The following ERCC6 variants were observed in gnomAD, a reference collection of about 807,000 sequenced individuals.
The protein encoded by ERCC6 is ERCC excision repair 6, chromatin remodeling factor.
Under a neutral mutation model 158.7 loss-of-function variants are expected in ERCC6, and 116 were observed. That is an observed-to-expected ratio of 0.73 (90% CI 0.63 to 0.85). The LOEUF (loss-of-function observed/expected upper bound fraction) is 0.85, where lower values mean the gene tolerates loss of function less well. ERCC6 is among the 40% of genes least tolerant of loss of function. ERCC6 has a pLI of 0.00. For synonymous variants in ERCC6, 678 were observed against 659.3 expected (o/e 1.03, Z -0.43); for missense variants, 1,698 against 1,799.4 (o/e 0.94, Z 1.02).
intron 5 of ERCC6, among the ~76,000 whole-genome samples, chr10:49,513,728 G>A (rs1033445244): frequency 6.6e-6 from 1 of 152,066 alleles, no homozygotes; most frequent in African/African-American, 2.4e-5. Context: ...GGGGGAAACC[G>A]CCCCCATAAT....
chr10:49,473,127 G>A, intron 14 of ERCC6, 99 bp from the exon 15 acceptor site: 1 of 1,528,120 alleles, frequency 6.5e-7, no homozygotes, highest in South Asian at 1.2e-5. Context: ...TTACTGGGCT[G>A]TTCCCAATAT....
chr10:49,493,105 A>C lies in ERCC6; in HGVS notation c.1821+12T>G, dbSNP rs978058921. On this transcript the variant is annotated intron_variant, in intron 8 of 20. Transcript: ENST00000355832. Reference sequence around the variant, plus strand: ...TAAAACAAAACAAAAAGGTACTGAAATATTGTGTTACCTTTTTGTGGGTAT... The same window carrying C: ...TAAAACAAAACAAAAAGGTACTGAACTATTGTGTTACCTTTTTGTGGGTAT... 6.2e-7 allele frequency: 1 copy of C among 1,613,858 alleles called. No homozygotes were observed. Among genetic ancestry groups the C allele is most frequent in the African/African-American group, 1.3e-5 (1 of 74,922 alleles).
chr10:49,506,155 G>T, intron 5 of ERCC6, 143 bp from the exon 6 acceptor site: 1 of 814,066 alleles, frequency 1.2e-6, no homozygotes, highest in Non-Finnish European at 2.0e-6. Context: ...CCAAAACACT[G>T]ATATTCAAAG....
At chr10:49,528,996 T>G (rs894942220) in intron 3 of ERCC6, among the ~76,000 whole-genome samples, 1 of 152,174 alleles carries the variant, frequency 6.6e-6, no homozygotes, top group African/African-American at 2.4e-5. Context: ...GATAACCTAC[T>G]ATATTTATGA....
At chr10:49,462,244 A>ATCACT (rs1290589848) in intron 18 of ERCC6, among the ~76,000 whole-genome samples, 1 of 152,204 alleles carries the variant, frequency 6.6e-6, no homozygotes. Context: ...CTACATGATA[A>ATCACT]AGGCATCTCT....
intron 7 of ERCC6, among the ~76,000 whole-genome samples, chr10:49,497,226 G>C (rs765217055): frequency 3.3e-5 from 5 of 152,250 alleles, no homozygotes; most frequent in Non-Finnish European, 7.3e-5. Context: ...TTCCATGGCA[G>C]CAAGCCTTTC....
rs190611014 is a variant in ERCC6, at chr10:49,528,406, A to C, written c.652+11T>G. The C allele has an allele frequency of 3.5e-5, 57 of 1,614,096 alleles. No individual in the cohort carries two copies. The highest frequency in any genetic ancestry group is 6.8e-6 in the Non-Finnish European group (8 of 1,179,962). On this transcript the variant is annotated intron_variant, in intron 4 of 20. Transcript: ENST00000355832. ...TCAAGAACACAGAGAAACTGCTCCT[A>C]GCATCCTCACCTGCATCCTCCTCCA...
intron 9 of ERCC6, among the ~76,000 whole-genome samples, chr10:49,483,110 C>T (rs1851009264): frequency 6.6e-6 from 1 of 152,102 alleles, no homozygotes; most frequent in South Asian, 2.1e-4. Flanking sequence ...GGTTTGGTTA[C>T]ATTCTAACAA....
At chr10:49,527,105 G>T (rs1837358369) in intron 4 of ERCC6, among the ~76,000 whole-genome samples, 1 of 152,204 alleles carries the variant, frequency 6.6e-6, no homozygotes, top group African/African-American at 2.4e-5. Flanking sequence ...GACAGGCAGA[G>T]TGGAACAAGG....
chr10:49,461,632 C>T (rs1459234694), intron 18 of ERCC6, 76 bp from the exon 19 acceptor site: 1 of 1,443,748 alleles, frequency 6.9e-7, no homozygotes, highest in Non-Finnish European at 9.5e-7. Context: ...TGTATAAGTA[C>T]AGTACTGTAG....
At chr10:49,498,834 T>C (rs1851308541) in intron 7 of ERCC6, among the ~76,000 whole-genome samples, 1 of 151,942 alleles carries the variant, frequency 6.6e-6, no homozygotes, top group Non-Finnish European at 1.5e-5. Flanking sequence ...ATAAGTGTGA[T>C]GATAATAGGA....
chr10:49,537,173 G>A (rs1468297994), intron 1 of ERCC6, among the ~76,000 whole-genome samples: 5 of 152,030 alleles, frequency 3.3e-5, no homozygotes, highest in East Asian at 3.9e-4. Context: ...GTGAAACCCC[G>A]TCTCTACTAA....
rs918644161 is a variant in ERCC6, at chr10:49,532,220, A to G, written c.422+323T>C. 2.0e-4 allele frequency among the ~76,000 whole-genome samples: 30 copies of G among 152,322 alleles called. 1 individual carries two copies. The highest frequency in any genetic ancestry group is 1.8e-3 in the Admixed American group (28 of 15,306). On this transcript the variant is annotated intron_variant, in intron 2 of 20. Coordinates refer to ENST00000355832, the MANE Select transcript of ERCC6 (RefSeq NM_000124.4). ...GCAATGTATTCCTGGCATCTCGAAT[A>G]GGAAACACCTGAATTTAGGTGCACC...
chr10:49,449,583 T>G (rs1850395969), downstream of ERCC6, among the ~76,000 whole-genome samples: 1 of 144,086 alleles, frequency 6.9e-6, no homozygotes. Flanking sequence ...TTTTTTTTTT[T>G]TTTGAGACAG....
intron 18 of ERCC6, among the ~76,000 whole-genome samples, chr10:49,461,987 TTA>T (rs1850591604): frequency 6.6e-6 from 1 of 152,320 alleles, no homozygotes; most frequent in Admixed American, 6.5e-5. Context: ...CTGAGTTAAT[TTA>T]TATGTTTAAT....
At chr10:49,517,948 G>T (rs769248497) in intron 5 of ERCC6, among the ~76,000 whole-genome samples, 19 of 152,286 alleles carry the variant, frequency 1.2e-4, no homozygotes, top group Non-Finnish European at 2.6e-4. Flanking sequence ...ACTAAATTCA[G>T]ATTTTGGGAG....
In ERCC6 at chr10:49,524,060, T is replaced by C. The variant is rs888940189; in HGVS notation, c.1370A>G (p.Asp457Gly). ...RKVGRYRDDGDEDYYKQRLRR... is the reference protein window; with the variant it reads ...RKVGRYRDDGGEDYYKQRLRR... ...TAACCGCTGCTTATAATAATCTTCA[T>C]CTCCATCATCTCGGTATCTTCCCAC... Residue 457 changes from aspartate (D) to glycine (G), a missense_variant, in exon 5 of 21, where the codon GAT becomes GGT. Transcript: ENST00000355832. 2 of 1,613,678 alleles carry C rather than the reference T, an allele frequency of 1.2e-6. No homozygotes were observed. Among genetic ancestry groups the C allele is most frequent in the Non-Finnish European group, 1.7e-6 (2 of 1,179,990 alleles).
chr10:49,440,477 G>C, the ERCC6 span, among the ~76,000 whole-genome samples: 22 of 152,288 alleles, frequency 1.4e-4, no homozygotes, highest in African/African-American at 5.1e-4. Context: ...AGATTTGGGT[G>C]GGGGCACAGC....
rs1354267423 is a variant in ERCC6 at position 49,456,070 on chromosome 10, T to C, written c.*2745A>G. 6.6e-6 allele frequency: 1 copy of C among 152,198 alleles called. No homozygotes were observed. Among genetic ancestry groups the C allele is most frequent in the African/African-American group, 2.4e-5 (1 of 41,456 alleles). 9.4% of individuals were successfully genotyped at this position (152,198 alleles called of 1,614,324 possible). On this transcript the variant is annotated 3_prime_UTR_variant, in exon 21 of 21. Transcript: ENST00000355832. ...ATTAAATGAAAAGTTAGTTGCAAAATAAGGATGGTATAAGGCCATTAATAT... is the reference window on the plus strand; with the variant it reads ...ATTAAATGAAAAGTTAGTTGCAAAACAAGGATGGTATAAGGCCATTAATAT...
Sources: gnomAD v4.1 joint callset for allele counts (sites outside exome capture counted in the v4.1 genomes callset) on GRCh38, gnomAD v4.1.1 for gene constraint, MANE v1.5 for transcripts, NCBI Gene and HGNC (gene_info 2026-07-23, HGNC 2026-07-21) for gene names.